The following PHTF2 variants were observed in gnomAD, a reference collection of about 807,000 sequenced individuals.
The protein encoded by PHTF2 is putative homeodomain transcription factor 2.
Under a neutral mutation model 101.2 loss-of-function variants are expected in PHTF2, and 60 were observed. The observed-to-expected ratio is 0.59, with a 90% CI of 0.48 to 0.73. PHTF2 has a LOEUF of 0.73. Among genes scored for constraint, PHTF2 ranks in the 30% least tolerant of loss-of-function variants. The pLI is 0.00. For synonymous variants in PHTF2, 311 were observed against 307.3 expected (o/e 1.01, Z -0.13); for missense variants, 747 against 908.7 (o/e 0.82, Z 2.29).
chr7:77,937,689 TA>T lies in PHTF2; in HGVS notation c.1339-19del. The T allele has an allele frequency of 7.4e-6, 8 of 1,073,858 alleles. No individual in the cohort carries two copies. The highest frequency in any genetic ancestry group is 5.9e-5 in the East Asian group (2 of 33,950). 66.5% of individuals were successfully genotyped at this position (1,073,858 alleles called of 1,614,324 possible). A position where few individuals can be genotyped will look rare whatever the true frequency, so the allele number is the denominator to read the frequency against. On this transcript the variant is annotated intron_variant, in intron 12 of 19. Transcript: ENST00000416283. ...TATTAAATGTGATCTATATATTTAC[TA>T]ATTTTTTTTTTTTTTATAGAGTCAT...
chr7:77,803,772 A>G (rs1345216138), intron 1 of PHTF2, among the ~76,000 whole-genome samples: 1 of 151,856 alleles, frequency 6.6e-6, no homozygotes, highest in Admixed American at 6.6e-5. Flanking sequence ...GAAGCCAGAA[A>G]ATGGCAAACA....
chr7:77,819,856 C>T (rs781431088), intron 1 of PHTF2, among the ~76,000 whole-genome samples: 1 of 152,074 alleles, frequency 6.6e-6, no homozygotes, highest in Admixed American at 6.6e-5. Context: ...GTGAAGCCAT[C>T]CAGTCCTGAA....
rs373383127 is a variant in PHTF2 at position 77,827,220 on chromosome 7, C to T, written c.-35-13001C>T. Among the ~76,000 whole-genome samples, 3 of 152,172 alleles carry T rather than the reference C, an allele frequency of 2.0e-5. No individual in the cohort carries two copies. In the East Asian group the frequency reaches 5.8e-4, roughly 29 times the overall value. ...TTGATGGCTCTATAAGCTAAGGAAA[C>T]TTTTTTCTAAATGTTAGGAGGAACT... On this transcript the variant is annotated intron_variant, in intron 1 of 19. Coordinates refer to ENST00000416283, the Ensembl canonical transcript of PHTF2.
intron 3 of PHTF2, among the ~76,000 whole-genome samples, chr7:77,868,205 C>A (rs763770958): frequency 2.0e-5 from 3 of 151,650 alleles, no homozygotes; most frequent in Admixed American, 6.6e-5. Flanking sequence ...GTATCCTGCA[C>A]TATCATAGCT....
intron 17 of PHTF2, among the ~76,000 whole-genome samples, chr7:77,950,782 CTTG>C (rs1189937610): frequency 6.6e-6 from 1 of 152,216 alleles, no homozygotes; most frequent in East Asian, 1.9e-4. Context: ...TTTCTGTAGA[CTTG>C]TTACCCTATG....
intron 3 of PHTF2, among the ~76,000 whole-genome samples, chr7:77,890,934 C>T (rs1396130344): frequency 9.3e-6 from 1 of 107,500 alleles, no homozygotes; most frequent in Non-Finnish European, 1.8e-5. Context: ...TTTGAGACAG[C>T]ATCTCACTCT....
chr7:77,848,048 T>C (rs1284612584), intron 2 of PHTF2, among the ~76,000 whole-genome samples: 1 of 152,196 alleles, frequency 6.6e-6, no homozygotes, highest in Non-Finnish European at 1.5e-5. Flanking sequence ...TCTCATTCTT[T>C]CTTACGACGG....
chr7:77,949,205 G>A (rs1471160436), intron 16 of PHTF2, among the ~76,000 whole-genome samples: 1 of 151,748 alleles, frequency 6.6e-6, no homozygotes. Context: ...AAAGAATGAT[G>A]TAGATAATGT....
In PHTF2 at chr7:77,874,146, G is replaced by C. The variant is rs564644552; in HGVS notation, c.147+19312G>C. 9.2e-5 allele frequency among the ~76,000 whole-genome samples: 14 copies of C among 152,282 alleles called. No homozygotes were observed. The South Asian group carries it at 2.1e-3, about 23-fold the overall frequency. On this transcript the variant is annotated intron_variant, in intron 3 of 19. Transcript: ENST00000416283. ...AAACTCCTTGCCTCTCATGAGTGAT[G>C]AATCAGGAGTGTCAAATGCATTTAT...
intron 10 of PHTF2, 47 bp from the exon 10 acceptor site, chr7:77,922,576 G>C (rs150479563): frequency 4.0e-6 from 6 of 1,500,290 alleles, no homozygotes; most frequent in Admixed American, 2.1e-5. Context: ...AAGCTAAAAG[G>C]TTGGTTAGAA....
At chr7:77,872,394 A>G (rs1465999707) in intron 3 of PHTF2, among the ~76,000 whole-genome samples, 1 of 152,190 alleles carries the variant, frequency 6.6e-6, no homozygotes, top group Non-Finnish European at 1.5e-5. Context: ...AGATTTGTAT[A>G]AACTAAGTAG....
intron 8 of PHTF2, 48 bp downstream of exon 7, chr7:77,909,006 A>G: frequency 7.5e-7 from 1 of 1,327,512 alleles, no homozygotes; most frequent in Non-Finnish European, 1.0e-6. Context: ...TGTAATTTGA[A>G]TCTACGATTG....
chr7:77,845,152 G>T (rs971679591), intron 2 of PHTF2, among the ~76,000 whole-genome samples: 3 of 152,120 alleles, frequency 2.0e-5, no homozygotes, highest in African/African-American at 7.2e-5. Context: ...TTTGAAATAG[G>T]GACCTGAAAT....
intron 9 of PHTF2, among the ~76,000 whole-genome samples, chr7:77,917,412 G>A (rs1189248319): frequency 6.6e-6 from 1 of 152,176 alleles, no homozygotes; most frequent in Non-Finnish European, 1.5e-5. Context: ...GTCCTTTTCA[G>A]TGAGCACAGC....
intron 1 of PHTF2, among the ~76,000 whole-genome samples, chr7:77,821,056 C>G (rs989870846): frequency 2.0e-5 from 3 of 151,764 alleles, no homozygotes; most frequent in Non-Finnish European, 2.9e-5. Context: ...TTTTGCCTGT[C>G]TATGAAAGGT....
intron 3 of PHTF2, among the ~76,000 whole-genome samples, 172 bp from the exon 3 acceptor site, chr7:77,893,436 A>G (rs1459459602): frequency 6.6e-6 from 1 of 152,174 alleles, no homozygotes; most frequent in Non-Finnish European, 1.5e-5. Flanking sequence ...CTGGTCCTGA[A>G]ATCATACTTT....
intron 11 of PHTF2, among the ~76,000 whole-genome samples, chr7:77,924,781 G>T (rs1487675874): frequency 6.6e-6 from 1 of 152,162 alleles, no homozygotes; most frequent in Non-Finnish European, 1.5e-5. Flanking sequence ...GTGGGATGGG[G>T]GTAGTAGATA....
intron 1 of PHTF2, among the ~76,000 whole-genome samples, chr7:77,809,224 G>GTTTTTTTTTTTTTTTTTTTTT (rs34141515): frequency 5.1e-5 from 5 of 98,510 alleles, no homozygotes; most frequent in Admixed American, 1.1e-4. Flanking sequence ...CCAGTTCGTT[G>GTTTTTTTTTTTTTTTTTTTTT]TTTTTTTTTT....
chr7:77,910,403 T>G lies in PHTF2; in HGVS notation c.770T>G (p.Leu257Ter). The change falls in exon 9 of 20, where the codon TTA (leucine) becomes TGA (stop). Residue 257 changes from leucine (L) to a stop codon, truncating the protein, a stop_gained. Transcript: ENST00000416283. LOFTEE classifies it high-confidence loss of function. The stretch of plus-strand genomic sequence containing the variant: ...GATCTCTGGCATGCTGCTTTCTTTT[T>G]ATCAGGGTTTGTATTTATTTAAGGT... The G allele has an allele frequency of 1.9e-6, 3 of 1,611,544 alleles. No homozygotes were observed. Among genetic ancestry groups the G allele is most frequent in the Non-Finnish European group, 2.5e-6 (3 of 1,178,818 alleles).
Sources: gnomAD v4.1 joint callset for allele counts (sites outside exome capture counted in the v4.1 genomes callset) on GRCh38, gnomAD v4.1.1 for gene constraint, MANE v1.5 for transcripts, NCBI Gene and HGNC (gene_info 2026-07-23, HGNC 2026-07-21) for gene names.